CADM2: variants seen among roughly 807,000 people sequenced by gnomAD.
CADM2 encodes the protein cell adhesion molecule 2.
In CADM2, 12 loss-of-function variants were observed where a neutral mutation model predicts 49.8. That is an observed-to-expected ratio of 0.24 (90% confidence interval 0.15 to 0.39). CADM2 has a LOEUF of 0.39. Ranked by LOEUF, CADM2 falls within the 10% of genes least tolerant of loss-of-function variation. The pLI is 1.00. For synonymous variants in CADM2, 214 were observed against 175.4 expected, an observed-to-expected ratio of 1.22 and a Z score of -1.74; for missense variants, 378 against 492.3, an observed-to-expected ratio of 0.77 and a Z score of 2.20.
intron 6 of CADM2, among the ~76,000 whole-genome samples, chr3:85,918,064 G>A (rs1219847122): frequency 6.6e-6 from 1 of 152,116 alleles, no homozygotes; most frequent in Non-Finnish European, 1.5e-5. Flanking sequence ...CTTAGACGAT[G>A]GGGTTTTCTA....
chr3:85,223,762 C>G (rs1022076289), intron 1 of CADM2, among the ~76,000 whole-genome samples: 3 of 152,060 alleles, frequency 2.0e-5, no homozygotes, highest in East Asian at 3.9e-4. Flanking sequence ...GTGCCCCACT[C>G]CCCCAACAAG....
At chr3:85,923,334 T>C (rs1719388110) in intron 6 of CADM2, among the ~76,000 whole-genome samples, 1 of 152,172 alleles carries the variant, frequency 6.6e-6, no homozygotes, top group Admixed American at 6.6e-5. Flanking sequence ...TCATCTATTT[T>C]TGAGCTTGAT....
At chr3:85,126,657 T>C (rs2039044979) in intron 1 of CADM2, among the ~76,000 whole-genome samples, 1 of 152,136 alleles carries the variant, frequency 6.6e-6, no homozygotes, top group East Asian at 1.9e-4. Context: ...ACTACGGTTG[T>C]TTTATGTGTC....
At chr3:85,566,419 A>G (rs2062256965) in intron 1 of CADM2, among the ~76,000 whole-genome samples, 1 of 152,174 alleles carries the variant, frequency 6.6e-6, no homozygotes, top group Non-Finnish European at 1.5e-5. Context: ...AGAGAAAACA[A>G]GCAACCTACA....
At chr3:85,210,839 C>T (rs1293123902) in intron 1 of CADM2, among the ~76,000 whole-genome samples, 3 of 152,128 alleles carry the variant, frequency 2.0e-5, no homozygotes, top group East Asian at 3.9e-4. Context: ...CCACACCAGC[C>T]AGAATAGTTT....
intron 1 of CADM2, among the ~76,000 whole-genome samples, chr3:85,119,155 G>A (rs981576063): frequency 1.1e-4 from 17 of 152,254 alleles, no homozygotes; most frequent in African/African-American, 3.6e-4. Flanking sequence ...GCTCACGCCT[G>A]TAATCCCAAC....
At chr3:85,484,355 G>A (rs1163001962) in intron 1 of CADM2, among the ~76,000 whole-genome samples, 1 of 151,802 alleles carries the variant, frequency 6.6e-6, no homozygotes, top group African/African-American at 2.4e-5. Flanking sequence ...TTTATACAAG[G>A]CACAATAGGC....
intron 8 of CADM2, among the ~76,000 whole-genome samples, chr3:86,065,286 A>G (rs1285401661): frequency 6.6e-6 from 1 of 152,254 alleles, no homozygotes; most frequent in Non-Finnish European, 1.5e-5. Context: ...AAATATGCAG[A>G]CATACACACA....
chr3:85,610,894 A>C (rs1252439055), intron 1 of CADM2, among the ~76,000 whole-genome samples: 1 of 151,990 alleles, frequency 6.6e-6, no homozygotes, highest in Non-Finnish European at 1.5e-5. Context: ...TTTACATGTC[A>C]CATCCTCATA....
At chr3:85,496,389 A>T (rs576247656) in intron 1 of CADM2, among the ~76,000 whole-genome samples, 5 of 152,282 alleles carry the variant, frequency 3.3e-5, no homozygotes, top group African/African-American at 1.2e-4. Flanking sequence ...CTTTGTATGG[A>T]TGCATAGCGT....
Position 85,052,945 on chromosome 3 carries a change from GCA to G in CADM2, c.61+93280_61+93281del, listed in dbSNP as rs2035942090. Among the ~76,000 whole-genome samples, 4 of 151,930 alleles carry G rather than the reference GCA, an allele frequency of 2.6e-5. No homozygotes were observed. In the South Asian group the frequency reaches 8.3e-4, roughly 32 times the overall value. On this transcript the variant is annotated intron_variant, in intron 1 of 9. Coordinates refer to ENST00000383699, the MANE Select transcript of CADM2 (RefSeq NM_001167675.2). ...TGAATAGCTACAGTAAGCTTCTTTG[GCA>G]CAGTTTAGAATAGCTCATTTGGCTC...
chr3:85,922,052 C>T (rs1341618558), intron 6 of CADM2, among the ~76,000 whole-genome samples: 1 of 151,522 alleles, frequency 6.6e-6, no homozygotes, highest in Non-Finnish European at 1.5e-5. Flanking sequence ...AGTGTCAGTC[C>T]TCAGATGATT....
intron 1 of CADM2, among the ~76,000 whole-genome samples, chr3:85,701,090 C>T (rs1381403060): frequency 6.6e-6 from 1 of 152,070 alleles, no homozygotes; most frequent in Admixed American, 6.5e-5. Context: ...CAATGGAGGC[C>T]TCGGGAAACT....
chr3:85,809,556 C>G (rs1463785469), intron 3 of CADM2, among the ~76,000 whole-genome samples: 5 of 151,932 alleles, frequency 3.3e-5, no homozygotes, highest in Non-Finnish European at 7.4e-5. Flanking sequence ...GCCTGGGCAA[C>G]ACAGAAAGAC....
chr3:85,156,565 A>G (rs912401473), intron 1 of CADM2, among the ~76,000 whole-genome samples: 1 of 152,232 alleles, frequency 6.6e-6, no homozygotes, highest in Non-Finnish European at 1.5e-5. Flanking sequence ...AACTGGTACC[A>G]TTCCTTCTGA....
intron 1 of CADM2, among the ~76,000 whole-genome samples, chr3:85,704,665 A>G (rs1375816543): frequency 6.6e-6 from 1 of 152,038 alleles, no homozygotes; most frequent in Non-Finnish European, 1.5e-5. Context: ...TAGGATTTCA[A>G]CATATGAGTT....
At chr3:85,078,296 C>T (rs1194327213) in intron 1 of CADM2, among the ~76,000 whole-genome samples, 1 of 151,904 alleles carries the variant, frequency 6.6e-6, no homozygotes, top group Admixed American at 6.6e-5. Flanking sequence ...TGTTCCTGGA[C>T]ATCTCAGAAA....
intron 8 of CADM2, among the ~76,000 whole-genome samples, chr3:86,045,988 T>C (rs1268844855): frequency 6.6e-6 from 1 of 152,168 alleles, no homozygotes; most frequent in Non-Finnish European, 1.5e-5. Context: ...CATTATGACA[T>C]TCTTTCCAGC....
At chr3:85,968,154 A>T (rs1009805963) in intron 8 of CADM2, among the ~76,000 whole-genome samples, 1 of 151,580 alleles carries the variant, frequency 6.6e-6, no homozygotes, top group African/African-American at 2.4e-5. Context: ...TAGTTGGATG[A>T]TTCTTAAAAC....
Sources: allele counts gnomAD v4.1 joint callset (sites outside exome capture counted in the v4.1 genomes callset), GRCh38; gene constraint gnomAD v4.1.1; transcripts MANE v1.5; gene names NCBI Gene and HGNC (gene_info 2026-07-23, HGNC 2026-07-21).